Variants in LRRC4C observed in about 807,000 individuals in gnomAD.
The protein encoded by LRRC4C is leucine rich repeat containing 4C.
Under a neutral mutation model 33.6 loss-of-function variants are expected in LRRC4C, and 5 were observed. The observed-to-expected ratio is 0.15, with a 90% confidence interval of 0.08 to 0.31. The LOEUF (loss-of-function observed/expected upper bound fraction) is 0.31. LRRC4C is among the 10% of genes least tolerant of loss of function. The pLI, the probability that LRRC4C is intolerant of heterozygous loss-of-function variation, is 1.00. For missense variants in LRRC4C, 560 were observed against 796.7 expected, an observed-to-expected ratio of 0.70 and a Z score of 3.58; for synonymous variants, 329 against 302.0, an observed-to-expected ratio of 1.09 and a Z score of -0.93.
chr11:41,275,313 A>C (rs536863417), intron 1 of LRRC4C, among the ~76,000 whole-genome samples: 2 of 152,304 alleles, frequency 1.3e-5, no homozygotes, highest in Admixed American at 6.5e-5. Context: ...ATGAGAGAAA[A>C]CGAAGATGAT....
chr11:40,623,444 A>G (rs962606447), intron 3 of LRRC4C, among the ~76,000 whole-genome samples: 2 of 151,948 alleles, frequency 1.3e-5, no homozygotes, highest in African/African-American at 4.8e-5. Flanking sequence ...TTATCTAGCT[A>G]TGAAAATAAT....
At chr11:40,719,526 A>G (rs992524499) in intron 2 of LRRC4C, among the ~76,000 whole-genome samples, 1 of 152,208 alleles carries the variant, frequency 6.6e-6, no homozygotes, top group African/African-American at 2.4e-5. Context: ...GAGAAATCCA[A>G]TTCCATCTGT....
chr11:41,049,876 A>T (rs761695302), intron 1 of LRRC4C, among the ~76,000 whole-genome samples: 2 of 152,210 alleles, frequency 1.3e-5, no homozygotes, highest in Non-Finnish European at 2.9e-5. Context: ...TTGTCTTGCT[A>T]GTCTGCTTAG....
At chr11:40,814,526 C>T (rs753301786) in intron 2 of LRRC4C, among the ~76,000 whole-genome samples, 4 of 152,072 alleles carry the variant, frequency 2.6e-5, no homozygotes, top group Non-Finnish European at 5.9e-5. Context: ...GACATTTTCT[C>T]CATTGTCTTG....
intron 1 of LRRC4C, among the ~76,000 whole-genome samples, chr11:41,363,574 G>A (rs1952431823): frequency 6.6e-6 from 1 of 152,126 alleles, no homozygotes; most frequent in African/African-American, 2.4e-5. Flanking sequence ...ATGATTTACT[G>A]TTATAGGAAT....
intron 2 of LRRC4C, among the ~76,000 whole-genome samples, chr11:40,898,457 A>G (rs773832591): frequency 2.6e-5 from 4 of 151,732 alleles, no homozygotes; most frequent in African/African-American, 9.7e-5. Flanking sequence ...TGTGCCTGAG[A>G]TTGGTAAAGA....
chr11:41,032,545 T>C (rs1856790795), intron 1 of LRRC4C, among the ~76,000 whole-genome samples: 1 of 152,150 alleles, frequency 6.6e-6, no homozygotes. Flanking sequence ...TGTAATAAAA[T>C]CTTTGGAAAT....
intron 4 of LRRC4C, among the ~76,000 whole-genome samples, chr11:40,298,042 G>T (rs1242850971): frequency 1.3e-5 from 2 of 152,132 alleles, no homozygotes; most frequent in Non-Finnish European, 2.9e-5. Context: ...ACCGTTGAGT[G>T]AATAAACGTC....
chr11:40,439,097 ATT>A (rs200541047), intron 3 of LRRC4C, among the ~76,000 whole-genome samples: 50,729 of 134,516 alleles, frequency 0.38, 9,638 homozygotes, highest in East Asian at 0.52. Context: ...CCCCCAGCTA[ATT>A]TTTTTTTTTT....
chr11:40,522,062 G>C (rs1009779912), intron 3 of LRRC4C, among the ~76,000 whole-genome samples: 1 of 151,974 alleles, frequency 6.6e-6, no homozygotes, highest in Admixed American at 6.6e-5. Context: ...CCTCTCTGTC[G>C]CCCAGGCTGG....
intron 3 of LRRC4C, among the ~76,000 whole-genome samples, chr11:40,372,993 T>C (rs1442114501): frequency 1.3e-5 from 2 of 152,160 alleles, no homozygotes; most frequent in Non-Finnish European, 2.9e-5. Context: ...GTACAATTAT[T>C]ATTTGAAAAC....
intron 3 of LRRC4C, among the ~76,000 whole-genome samples, chr11:40,565,600 A>G (rs529450556): frequency 6.6e-6 from 1 of 152,104 alleles, no homozygotes; most frequent in Non-Finnish European, 1.5e-5. Context: ...TTCCATTACA[A>G]TTTTGACAGT....
Position 40,396,777 on chromosome 11 carries a change from A to T in LRRC4C, c.-269-77056T>A, listed in dbSNP as rs1949558222. ...AAGTCTTTCACCTGCCTTTTGAAAC[A>T]TACATTTTAAGAATCTGTATGCAAA... On this transcript the variant is annotated intron_variant, in intron 3 of 6. Transcript: ENST00000528697. 2.0e-5 allele frequency among the ~76,000 whole-genome samples: 3 copies of T among 152,138 alleles called. No homozygotes were observed. The South Asian group carries it at 6.2e-4, about 31-fold the overall frequency.
At chr11:40,347,630 C>T (rs534252133) in intron 3 of LRRC4C, among the ~76,000 whole-genome samples, 49 of 152,228 alleles carry the variant, frequency 3.2e-4, no homozygotes, top group South Asian at 1.7e-3. Flanking sequence ...TGTTTTGAGA[C>T]GGAGTTTCGC....
At chr11:40,520,650 A>G (rs918826188) in intron 3 of LRRC4C, among the ~76,000 whole-genome samples, 1 of 152,180 alleles carries the variant, frequency 6.6e-6, no homozygotes, top group Admixed American at 6.6e-5. Flanking sequence ...CATAACAGAT[A>G]TAATGAAAAA....
chr11:41,066,333 T>G (rs928939391), intron 1 of LRRC4C, among the ~76,000 whole-genome samples: 1 of 152,180 alleles, frequency 6.6e-6, no homozygotes, highest in Non-Finnish European at 1.5e-5. Flanking sequence ...GAAGACCATC[T>G]TTCTTAAATA....
intron 1 of LRRC4C, among the ~76,000 whole-genome samples, chr11:41,259,857 T>C (rs561816270): frequency 6.6e-6 from 1 of 152,172 alleles, no homozygotes; most frequent in South Asian, 2.1e-4. Flanking sequence ...AGAAAATATA[T>C]GCATTTTAAA....
At chr11:40,746,397 C>T (rs921879060) in intron 2 of LRRC4C, among the ~76,000 whole-genome samples, 1 of 152,158 alleles carries the variant, frequency 6.6e-6, no homozygotes, top group Non-Finnish European at 1.5e-5. Context: ...GCAAGCGAAG[C>T]ACAGGCTGCT....
chr11:40,228,555 G>T (rs1222969020), intron 5 of LRRC4C, among the ~76,000 whole-genome samples: 5 of 152,078 alleles, frequency 3.3e-5, no homozygotes, highest in Admixed American at 3.3e-4. Context: ...CATTCATCTG[G>T]TTTACAGAAA....
Sources: allele counts gnomAD v4.1 joint callset (sites outside exome capture counted in the v4.1 genomes callset), GRCh38; gene constraint gnomAD v4.1.1; transcripts MANE v1.5; gene names NCBI Gene and HGNC (gene_info 2026-07-23, HGNC 2026-07-21).